Variants in DLGAP1 observed in about 807,000 individuals in gnomAD.
The protein encoded by DLGAP1 is disks large-associated protein 1.
A neutral mutation model predicts 90.8 loss-of-function variants in DLGAP1; 11 were observed. The observed-to-expected ratio is 0.12, with a 90% CI of 0.08 to 0.20. DLGAP1 has a LOEUF of 0.20. Among genes scored for constraint, DLGAP1 ranks in the 10% least tolerant of loss-of-function variants. DLGAP1 has a pLI of 1.00. For synonymous variants in DLGAP1, 558 were observed against 540.7 expected, an observed-to-expected ratio of 1.03 and a Z score of -0.44; for missense variants, 1,050 against 1,333.8, an observed-to-expected ratio of 0.79 and a Z score of 3.31.
At chr18:3,891,790 GAGA>G (rs2071466713) in intron 3 of DLGAP1, 3 of 151,992 alleles carry the variant, frequency 2.0e-5, no homozygotes, top group South Asian at 2.1e-4. Context: ...TTTTTTTAGA[GAGA>G]AGATCTCACT....
At chr18:4,448,483 G>A (rs562892414) in intron 1 of DLGAP1, among the ~76,000 whole-genome samples, 10 of 152,222 alleles carry the variant, frequency 6.6e-5, no homozygotes, top group African/African-American at 2.4e-4. Flanking sequence ...TATCATCAAA[G>A]CAGAGTGTTT....
At chr18:3,880,644 G>A (rs1447209040) in intron 3 of DLGAP1, among the ~76,000 whole-genome samples, 3 of 151,468 alleles carry the variant, frequency 2.0e-5, no homozygotes, top group Admixed American at 6.6e-5. Flanking sequence ...GGTAAAGCTA[G>A]AAAACTAGAA....
At chr18:4,268,439 C>T (rs561144681) in intron 1 of DLGAP1, among the ~76,000 whole-genome samples, 1 of 152,158 alleles carries the variant, frequency 6.6e-6, no homozygotes, top group South Asian at 2.1e-4. Context: ...GAGTGAATAC[C>T]TATTTGATGC....
At chr18:4,203,578 G>A (rs1253952798) in intron 1 of DLGAP1, among the ~76,000 whole-genome samples, 2 of 152,088 alleles carry the variant, frequency 1.3e-5, no homozygotes, top group African/African-American at 4.8e-5. Flanking sequence ...GGGCATTTAA[G>A]CTTTTAGATC....
chr18:4,304,039 A>G (rs1392511016), intron 1 of DLGAP1, among the ~76,000 whole-genome samples: 1 of 152,248 alleles, frequency 6.6e-6, no homozygotes, highest in East Asian at 1.9e-4. Flanking sequence ...GCTTTCCCCT[A>G]TCAGACATAC....
chr18:4,370,338 G>T (rs1246024187), intron 1 of DLGAP1, among the ~76,000 whole-genome samples: 2 of 152,168 alleles, frequency 1.3e-5, no homozygotes, highest in East Asian at 1.9e-4. Flanking sequence ...TGACGGAGAG[G>T]TTCACTAATC....
chr18:4,243,569 GTAAC>G (rs1173176239), intron 1 of DLGAP1, among the ~76,000 whole-genome samples: 42 of 152,178 alleles, frequency 2.8e-4, no homozygotes, highest in Middle Eastern at 3.2e-3. Flanking sequence ...AGAGATTTCA[GTAAC>G]TAACTCATGA....
intron 4 of DLGAP1, among the ~76,000 whole-genome samples, chr18:3,855,101 C>T (rs12326429): frequency 0.054 from 8,250 of 152,186 alleles, 557 homozygotes; most frequent in African/African-American, 0.15. Flanking sequence ...CGGAATACTA[C>T]GCAGCCATAA....
intron 2 of DLGAP1, among the ~76,000 whole-genome samples, chr18:4,085,998 C>G (rs2075675307): frequency 6.6e-6 from 1 of 152,138 alleles, no homozygotes; most frequent in Admixed American, 6.6e-5. Context: ...AAGACCTAAA[C>G]TGGGCAGAAA....
At chr18:3,606,871 C>G (rs1187730575) in intron 7 of DLGAP1, 1 of 151,702 alleles carries the variant, frequency 6.6e-6, no homozygotes, top group East Asian at 1.9e-4. Context: ...GACTTTCGGT[C>G]TTGTTTCCCA....
Position 3,635,288 on chromosome 18 carries a change from G to T in DLGAP1, c.1592-53040C>A, listed in dbSNP as rs28694004. Among the ~76,000 whole-genome samples, 67 of 151,896 alleles carry T rather than the reference G, an allele frequency of 4.4e-4. No individual in the cohort carries two copies. The Middle Eastern group carries it at 0.014, about 31-fold the overall frequency. On this transcript the variant is annotated intron_variant, in intron 7 of 12. Coordinates refer to ENST00000315677, the MANE Select transcript of DLGAP1 (RefSeq NM_004746.4). ...TGGGACTACAGGCGCCCGCCACCAC[G>T]CCCGGCTGATTTTTTTGTATTGTAT... is the stretch of plus-strand genomic sequence containing the variant.
At chr18:4,296,412 C>T (rs2079983231) in intron 1 of DLGAP1, among the ~76,000 whole-genome samples, 1 of 152,176 alleles carries the variant, frequency 6.6e-6, no homozygotes, top group African/African-American at 2.4e-5. Flanking sequence ...GGGCCACTCT[C>T]AGAAACATTT....
intron 1 of DLGAP1, among the ~76,000 whole-genome samples, chr18:4,169,751 G>C (rs2076992872): frequency 6.6e-6 from 1 of 152,196 alleles, no homozygotes; most frequent in Non-Finnish European, 1.5e-5. Flanking sequence ...CATGGGCAGA[G>C]CACCGAGTCT....
chr18:3,972,069 G>A (rs6506148), intron 3 of DLGAP1, among the ~76,000 whole-genome samples: 5,587 of 152,214 alleles, frequency 0.037, 310 homozygotes, highest in African/African-American at 0.12. Flanking sequence ...CCTGTAATGT[G>A]TAAGGTTTCA....
chr18:3,611,652 C>A (rs1295789857), intron 7 of DLGAP1, among the ~76,000 whole-genome samples: 2 of 152,172 alleles, frequency 1.3e-5, no homozygotes, highest in Non-Finnish European at 1.5e-5. Flanking sequence ...GCAGAACTTA[C>A]CACGCGTTTC....
rs1462121243 is a variant in DLGAP1, at chr18:3,526,402, T to C, written c.2479+7792A>G. Among the ~76,000 whole-genome samples the C allele has an allele frequency of 6.6e-6, 1 of 152,160 alleles. No individual in the cohort carries two copies. Among genetic ancestry groups the C allele is most frequent in the Non-Finnish European group, 1.5e-5 (1 of 68,028 alleles). ...TGTGCACAGTTTCCGTAACCAAACC[T>C]GAAACCAGGCAAACCCCATTTCAGG... On this transcript the variant is annotated intron_variant, in intron 10 of 12. Coordinates refer to ENST00000315677, the MANE Select transcript of DLGAP1 (RefSeq NM_004746.4). The surrounding 1 kb of genome is among the most constrained non-coding windows in gnomAD (Gnocchi z 4.7).
chr18:4,257,973 A>ATG (rs10625642), intron 1 of DLGAP1, among the ~76,000 whole-genome samples: 34,866 of 141,074 alleles, frequency 0.25, 4,457 homozygotes, highest in Non-Finnish European at 0.3. Flanking sequence ...AGTTATACAT[A>ATG]TGTGTGTGTG....
rs767760816 is a variant in DLGAP1 at position 3,977,434 on chromosome 18, G to GGTTTTTTTTTTTTT, written c.-73+27681_-73+27682insAAAAAAAAAAAAAC. Among the ~76,000 whole-genome samples the GGTTTTTTTTTTTTT allele has an allele frequency of 1.4e-3, 136 of 95,330 alleles. 4 individuals carry two copies. The highest frequency in any genetic ancestry group is 3.7e-3 in the African/African-American group (89 of 23,962). 62.5% of individuals were successfully genotyped at this position (95,330 alleles called of 152,430 possible). On this transcript the variant is annotated intron_variant, in intron 3 of 12. Transcript: ENST00000315677. ...AGTTAATGAATTATGTTTATTCTGTGTTTTTTTTTTTTTTTTTTTTGCTGA... is the reference window on the plus strand; with the variant it reads ...AGTTAATGAATTATGTTTATTCTGTGGTTTTTTTTTTTTTTTTTTTTTTTTTTTTTTTTTGCTGA...
chr18:3,859,464 T>C (rs1242448198), intron 4 of DLGAP1, among the ~76,000 whole-genome samples: 1 of 152,202 alleles, frequency 6.6e-6, no homozygotes, highest in East Asian at 1.9e-4. Context: ...TTACCTTATA[T>C]AGCAGAAGGG....
Sources: allele counts gnomAD v4.1 joint callset (sites outside exome capture counted in the v4.1 genomes callset), GRCh38; gene constraint gnomAD v4.1.1; non-coding constraint Gnocchi (gnomAD v3.1); transcripts MANE v1.5; gene names NCBI Gene and HGNC (gene_info 2026-07-23, HGNC 2026-07-21).